PTCD3: variants seen among roughly 807,000 people sequenced by gnomAD.
The protein encoded by PTCD3 is small ribosomal subunit protein mS39.
In PTCD3, 89 loss-of-function variants were observed where a neutral mutation model predicts 101.9. The ratio of observed to expected loss-of-function variants is 0.87; its 90% CI spans 0.74 to 1.04. PTCD3 has a LOEUF of 1.04. PTCD3 is among the 50% of genes least tolerant of loss of function. The pLI is 0.00. For missense variants in PTCD3, 870 were observed against 828.2 expected (o/e 1.05, Z -0.62); for synonymous variants, 296 against 278.5 (o/e 1.06, Z -0.63).
At position 86,137,010 on chromosome 2, in the gene PTCD3, A is replaced by G. The variant is rs1390336008; in HGVS notation, c.1849A>G (p.Ser617Gly). Residue 617 changes from serine to glycine, a missense_variant, in exon 23 of 24, where the codon AGT becomes GGT. By Grantham distance (56) the Ser-to-Gly change is moderately conservative. Transcript: ENST00000254630. ...TGAGTTGCTGAATGAGCTTATGGACAGTGCAAAAGTGTCTAACAGCCCTTC... is the reference window on the plus strand; with the variant it reads ...TGAGTTGCTGAATGAGCTTATGGACGGTGCAAAAGTGTCTAACAGCCCTTC... Reference protein sequence around the residue: ...RSELLNELMDSAKVSNSPSQA... With the variant: ...RSELLNELMDGAKVSNSPSQA... 1 of 1,613,614 alleles carries G rather than the reference A, an allele frequency of 6.2e-7. No individual in the cohort carries two copies. The highest frequency in any genetic ancestry group is 1.3e-5 in the African/African-American group (1 of 74,912).
chr2:86,120,639 A>G (rs1418703308), intron 7 of PTCD3, among the ~76,000 whole-genome samples: 1 of 152,176 alleles, frequency 6.6e-6, no homozygotes. Context: ...TCACACCTGT[A>G]ATCCCAGCAC....
In PTCD3 at chr2:86,142,063, G is replaced by T. The variant is rs1406202904; in HGVS notation, c.*4504G>T. ...TGTTCCTAATAAGCAATCAAGGGGGGTGGGTGTGTTGGCTGGTAAAGGAAC... is the reference window on the plus strand; with the variant it reads ...TGTTCCTAATAAGCAATCAAGGGGGTTGGGTGTGTTGGCTGGTAAAGGAAC... On this transcript the variant is annotated 3_prime_UTR_variant, in exon 24 of 24. Transcript: ENST00000254630. 6.7e-6 allele frequency: 1 copy of T among 149,404 alleles called. No homozygotes were observed. The highest frequency in any genetic ancestry group is 1.5e-5 in the Non-Finnish European group (1 of 67,198). The allele number at this position is 149,404 out of a possible 1,614,324, so 9.3% of individuals were successfully genotyped here.
chr2:86,108,200 G>A, intron 1 of PTCD3, 150 bp from the exon 2 acceptor site: 4 of 809,408 alleles, frequency 4.9e-6, no homozygotes, highest in Middle Eastern at 3.9e-4. Context: ...TTGAACATGT[G>A]TACAGACTGT....
intron 4 of PTCD3, among the ~76,000 whole-genome samples, chr2:86,115,571 C>T (rs1046822609): frequency 9.9e-5 from 15 of 152,138 alleles, no homozygotes; most frequent in African/African-American, 2.7e-4. Flanking sequence ...AGCAGCTTTC[C>T]GTTGAGAGCT....
At chr2:86,123,602 T>A in intron 8 of PTCD3, 99 bp from the exon 9 acceptor site, 1 of 867,994 alleles carries the variant, frequency 1.2e-6, no homozygotes, top group Non-Finnish European at 1.7e-6. Flanking sequence ...TTCCTTTATT[T>A]TTCTGAGTTC....
intron 4 of PTCD3, among the ~76,000 whole-genome samples, chr2:86,112,446 C>T (rs1573847782): frequency 1.3e-5 from 2 of 150,746 alleles, no homozygotes; most frequent in South Asian, 2.1e-4. Flanking sequence ...TTTGGGAGAC[C>T]GAGGGAGGCT....
At position 86,125,558 on chromosome 2, in the gene PTCD3, C is replaced by T. The variant is rs774207367; in HGVS notation, c.865+43C>T. Reference sequence around the variant, plus strand: ...CCTCTGTCCCTTTCTCCATTTCCTTCTTTTAATTGTCTGTGTGAAGGCTTT... The same window carrying T: ...CCTCTGTCCCTTTCTCCATTTCCTTTTTTTAATTGTCTGTGTGAAGGCTTT... On this transcript the variant is annotated intron_variant, in intron 11 of 23. Coordinates refer to ENST00000254630, the MANE Select transcript of PTCD3 (RefSeq NM_017952.6). The T allele has an allele frequency of 1.9e-6, 3 of 1,543,330 alleles. No individual in the cohort carries two copies. In the Admixed American group the frequency reaches 5.0e-5, roughly 26 times the overall value.
intron 21 of PTCD3, 113 bp downstream of exon 21, chr2:86,135,100 G>C: frequency 7.7e-7 from 1 of 1,291,744 alleles, no homozygotes; most frequent in South Asian, 1.7e-5. Context: ...TATTTGATTC[G>C]GGAACTTGCA....
intron 4 of PTCD3, among the ~76,000 whole-genome samples, chr2:86,115,440 C>G (rs1273979314): frequency 6.6e-6 from 1 of 152,034 alleles, no homozygotes; most frequent in Non-Finnish European, 1.5e-5. Flanking sequence ...TAGTATAATT[C>G]AAATAAAAAC....
At position 86,114,198 on chromosome 2, in the gene PTCD3, A is replaced by G. The variant is rs533284628; in HGVS notation, c.241-2332A>G. On this transcript the variant is annotated intron_variant, in intron 4 of 23. Coordinates refer to ENST00000254630, the MANE Select transcript of PTCD3 (RefSeq NM_017952.6). Reference sequence around the variant, plus strand: ...CTGTGCTGGATATAGAATTAGACACAGATATTGTGTAGTTCTAGAGGGGAA... The same window carrying G: ...CTGTGCTGGATATAGAATTAGACACGGATATTGTGTAGTTCTAGAGGGGAA... 3.9e-5 allele frequency among the ~76,000 whole-genome samples: 6 copies of G among 152,366 alleles called. No homozygotes were observed. In the East Asian group the frequency reaches 1.2e-3, roughly 29 times the overall value.
rs1407115431 is a variant in PTCD3, at chr2:86,141,000, C to A, written c.*3441C>A. ...AAGCCCAAGGATGTTTTTCAGAGCT[C>A]TGTGATTTAAGATGCTCGAAAAGAG... is the stretch of plus-strand genomic sequence containing the variant. On this transcript the variant is annotated 3_prime_UTR_variant, in exon 24 of 24. Transcript: ENST00000254630. The A allele has an allele frequency of 6.6e-6, 1 of 151,870 alleles. No individual in the cohort carries two copies. The highest frequency in any genetic ancestry group is 6.6e-5 in the Admixed American group (1 of 15,266). 9.4% of individuals were successfully genotyped at this position (151,870 alleles called of 1,614,324 possible).
In PTCD3 at chr2:86,132,422, T is replaced by C. The variant is rs1310243859; in HGVS notation, c.1371T>C (p.Tyr457=). The change falls in exon 17 of 24, where the codon TAT becomes TAC. Residue 457 remains tyrosine, a splice_region_variant and synonymous_variant. Coordinates refer to ENST00000254630, the MANE Select transcript of PTCD3 (RefSeq NM_017952.6). ...GACCTGATCAACATCGTAATTTCTA[T>C]TAGTAAGTGTGTTGGAAACATATCC... is the stretch of plus-strand genomic sequence containing the variant. ...FIGPDQHRNF[Y]YSKFFDLICL... The C allele has an allele frequency of 1.3e-5, 20 of 1,570,324 alleles. No homozygotes were observed. Among genetic ancestry groups the C allele is most frequent in the Non-Finnish European group, 1.5e-5 (17 of 1,141,914 alleles).
At chr2:86,125,557 T>C (rs917367479) in intron 11 of PTCD3, 42 bp downstream of exon 11, 3 of 1,545,770 alleles carry the variant, frequency 1.9e-6, no homozygotes, top group Admixed American at 1.7e-5. Flanking sequence ...TCCATTTCCT[T>C]CTTTTAATTG....
At chr2:86,125,635 T>C in intron 11 of PTCD3, 120 bp downstream of exon 11, 1 of 1,169,500 alleles carries the variant, frequency 8.6e-7, no homozygotes, top group East Asian at 2.4e-5. Context: ...GAGGCGTAGA[T>C]GATTGAAGCA....
chr2:86,123,774 G>A lies in PTCD3; in HGVS notation c.716+12G>A, dbSNP rs1326234780. On this transcript the variant is annotated intron_variant, in intron 9 of 23. Transcript: ENST00000254630. ...GGAGTTACATGGCGGTATGTCACACGTAATTAGAACCTTGAATTACAGTGT... is the reference window on the plus strand; with the variant it reads ...GGAGTTACATGGCGGTATGTCACACATAATTAGAACCTTGAATTACAGTGT... 3.2e-6 allele frequency: 5 copies of A among 1,581,334 alleles called. No homozygotes were observed. Among genetic ancestry groups the A allele is most frequent in the Non-Finnish European group, 3.4e-6 (4 of 1,160,246 alleles).
chr2:86,136,621 T>C, intron 22 of PTCD3, 59 bp downstream of exon 22: 2 of 1,547,264 alleles, frequency 1.3e-6, no homozygotes, highest in Non-Finnish European at 1.8e-6. Flanking sequence ...ACATTTGGAA[T>C]TTCTTCACCA....
rs1674596487 is a variant in PTCD3 at position 86,136,993 on chromosome 2, T to C, written c.1832T>C (p.Leu611Pro). 2 of 1,613,392 alleles carry C rather than the reference T, an allele frequency of 1.2e-6. No homozygotes were observed. Among genetic ancestry groups the C allele is most frequent in the African/African-American group, 2.7e-5 (2 of 74,926 alleles). ...CCTTTCTTTTACAGAAGTGAGTTGC[T>C]GAATGAGCTTATGGACAGTGCAAAA... is the stretch of plus-strand genomic sequence containing the variant. ...KHNKIPRSELLNELMDSAKVS... is the reference protein window; with the variant it reads ...KHNKIPRSELPNELMDSAKVS... Residue 611 changes from leucine (L) to proline (P), a missense_variant, in exon 23 of 24, where the codon CTG becomes CCG. Leu to Pro is a moderately conservative substitution (Grantham distance 98). Transcript: ENST00000254630.
At chr2:86,134,264 T>A in intron 19 of PTCD3, 28 bp from the exon 20 acceptor site, 9 of 1,496,488 alleles carry the variant, frequency 6.0e-6, no homozygotes, top group Non-Finnish European at 8.4e-6. Flanking sequence ...ATAACAATGA[T>A]CACTCCTTGT....
At chr2:86,127,465 G>C in intron 13 of PTCD3, 160 bp downstream of exon 13, 1 of 768,816 alleles carries the variant, frequency 1.3e-6, no homozygotes, top group Non-Finnish European at 2.0e-6. Flanking sequence ...ACTTATTATA[G>C]TGGGAGTGCC....
Sources: gnomAD v4.1 joint callset for allele counts (sites outside exome capture counted in the v4.1 genomes callset) on GRCh38, gnomAD v4.1.1 for gene constraint, MANE v1.5 for transcripts, NCBI Gene and HGNC (gene_info 2026-07-23, HGNC 2026-07-21) for gene names.